APLP2: variants seen among roughly 807,000 people sequenced by gnomAD.
APLP2 encodes the protein CDEI box-binding protein.
In APLP2, 53 loss-of-function variants were observed where a neutral mutation model predicts 89.9. That is an observed-to-expected ratio of 0.59 (90% CI 0.47 to 0.74). APLP2 has a LOEUF of 0.74. APLP2 is among the 30% of genes least tolerant of loss of function. The pLI, the probability that APLP2 is intolerant of heterozygous loss-of-function variation, is 0.00. For synonymous variants in APLP2, 372 were observed against 348.6 expected, an observed-to-expected ratio of 1.07 and a Z score of -0.75; for missense variants, 973 against 975.9, an observed-to-expected ratio of 1.00 and a Z score of 0.04.
chr11:130,127,085 A>G (rs536633091), intron 8 of APLP2, among the ~76,000 whole-genome samples: 15 of 127,436 alleles, frequency 1.2e-4, no homozygotes, highest in African/African-American at 4.3e-4. Flanking sequence ...TTTTTTTGCC[A>G]TTAACTTGCT....
At position 130,123,116 on chromosome 11, in the gene APLP2, G is replaced by A. The variant is rs866407753; in HGVS notation, c.923-496G>A. Among the ~76,000 whole-genome samples, 5 of 152,128 alleles carry A rather than the reference G, an allele frequency of 3.3e-5. No individual in the cohort carries two copies. The East Asian group carries it at 9.6e-4, about 29-fold the overall frequency. ...CAATTAAGATGCGAAGAATTATTTA[G>A]GACCCAAGTTGGGGGAAATTACTTA... is the stretch of plus-strand genomic sequence containing the variant. On this transcript the variant is annotated intron_variant, in intron 6 of 16. Coordinates refer to ENST00000338167, the MANE Select transcript of APLP2 (RefSeq NM_001142276.2). This position sits in a 1 kb window ranked among gnomAD's most constrained non-coding sequence, Gnocchi z 4.0.
At chr11:130,105,928 C>T (rs1947682966) in intron 1 of APLP2, among the ~76,000 whole-genome samples, 1 of 152,024 alleles carries the variant, frequency 6.6e-6, no homozygotes, top group South Asian at 2.1e-4. Context: ...GTCTCGAACT[C>T]CCGACCTCAG....
At chr11:130,093,623 G>A (rs901417047) in intron 1 of APLP2, among the ~76,000 whole-genome samples, 11 of 152,214 alleles carry the variant, frequency 7.2e-5, no homozygotes, top group Non-Finnish European at 1.0e-4. Context: ...GACTGTGTGT[G>A]TCCAGGCCAA....
At chr11:130,081,436 C>T (rs1349629430) in intron 1 of APLP2, among the ~76,000 whole-genome samples, 1 of 152,070 alleles carries the variant, frequency 6.6e-6, no homozygotes, top group Non-Finnish European at 1.5e-5. Context: ...ACTATTTTAC[C>T]CTCATTTTAT....
intron 1 of APLP2, among the ~76,000 whole-genome samples, chr11:130,104,678 G>A (rs777058787): frequency 5.9e-5 from 9 of 151,950 alleles, no homozygotes; most frequent in Non-Finnish European, 1.3e-4. Context: ...TTCCTTCTTT[G>A]GGGGAAGCAG....
At chr11:130,134,093 G>A (rs1040215908) in intron 12 of APLP2, among the ~76,000 whole-genome samples, 13 of 152,104 alleles carry the variant, frequency 8.5e-5, no homozygotes, top group Admixed American at 2.6e-4. Flanking sequence ...CTCCTCTCCC[G>A]GTCTTTATCT....
intron 9 of APLP2, among the ~76,000 whole-genome samples, chr11:130,128,479 C>G (rs925123878): frequency 6.6e-6 from 1 of 152,146 alleles, no homozygotes; most frequent in African/African-American, 2.4e-5. Flanking sequence ...GTTTTAATTC[C>G]TACAGAAGTC....
At chr11:130,081,104 A>AC (rs920200300) in intron 1 of APLP2, among the ~76,000 whole-genome samples, 13 of 151,772 alleles carry the variant, frequency 8.6e-5, no homozygotes, top group South Asian at 4.2e-4. Context: ...CAAAAAACAA[A>AC]CCCCCCCAAA....
chr11:130,130,170 C>G lies in APLP2; in HGVS notation c.1584+4C>G. 6.2e-7 allele frequency: 1 copy of G among 1,614,214 alleles called. No homozygotes were observed. Among genetic ancestry groups the G allele is most frequent in the South Asian group, 1.1e-5 (1 of 91,086 alleles). On this transcript the variant is annotated splice_donor_region_variant and intron_variant, in intron 11 of 16. Coordinates refer to ENST00000338167, the MANE Select transcript of APLP2 (RefSeq NM_001142276.2). Reference sequence around the variant, plus strand: ...GGCGGCCCAGATGAAATCCCAGGTACAGTAGATGTAGTAGAAATTGCTGCC... The same window carrying G: ...GGCGGCCCAGATGAAATCCCAGGTAGAGTAGATGTAGTAGAAATTGCTGCC...
intron 1 of APLP2, among the ~76,000 whole-genome samples, chr11:130,083,558 A>T (rs957306605): frequency 2.6e-5 from 4 of 152,204 alleles, no homozygotes; most frequent in African/African-American, 9.6e-5. Flanking sequence ...TAGATATCCC[A>T]TATAAGGGGA....
intron 7 of APLP2, among the ~76,000 whole-genome samples, chr11:130,124,045 A>C (rs984894814): frequency 1.3e-5 from 2 of 152,168 alleles, no homozygotes; most frequent in Non-Finnish European, 2.9e-5. Context: ...TATAGCGGGC[A>C]GCACAGCCAG....
intron 3 of APLP2, among the ~76,000 whole-genome samples, chr11:130,116,752 A>G (rs1239921399): frequency 1.3e-5 from 2 of 152,062 alleles, no homozygotes; most frequent in South Asian, 2.1e-4. Context: ...GATTACAGGC[A>G]TGAGCCCCTG....
intron 1 of APLP2, among the ~76,000 whole-genome samples, chr11:130,089,893 C>A (rs1249506439): frequency 6.6e-6 from 1 of 152,182 alleles, no homozygotes; most frequent in Non-Finnish European, 1.5e-5. Context: ...TAAGGGCCCA[C>A]CCTGCTCCAG....
At chr11:130,076,834 C>A (rs952026461) in intron 1 of APLP2, among the ~76,000 whole-genome samples, 1 of 152,162 alleles carries the variant, frequency 6.6e-6, no homozygotes, top group African/African-American at 2.4e-5. Flanking sequence ...TAAGACCCCT[C>A]AGGTGTCACT....
intron 1 of APLP2, among the ~76,000 whole-genome samples, chr11:130,105,123 T>C (rs987457050): frequency 2.6e-5 from 4 of 152,210 alleles, no homozygotes; most frequent in African/African-American, 9.7e-5. Context: ...CCACATATTT[T>C]AAAAGTCAGC....
intron 1 of APLP2, among the ~76,000 whole-genome samples, chr11:130,073,653 CA>C (rs1388596800): frequency 6.6e-6 from 1 of 152,176 alleles, no homozygotes; most frequent in Non-Finnish European, 1.5e-5. Context: ...CCAGCCTGAG[CA>C]ACATGGTGAA....
At position 130,141,839 on chromosome 11, in the gene APLP2, C is replaced by A; in HGVS notation, c.1999-80C>A. On this transcript the variant is annotated intron_variant, in intron 15 of 16. Coordinates refer to ENST00000338167, the MANE Select transcript of APLP2 (RefSeq NM_001142276.2). The surrounding 1 kb of genome is among the most constrained non-coding windows in gnomAD (Gnocchi z 4.2). ...TTTTAGGGGCTCGACCTTCCAGGAG[C>A]GTGGCCCTCAGTGAGTTACTTGCCT... is the stretch of plus-strand genomic sequence containing the variant. 1 of 1,511,562 alleles carries A rather than the reference C, an allele frequency of 6.6e-7. No homozygotes were observed. The highest frequency in any genetic ancestry group is 1.3e-5 in the South Asian group (1 of 78,750). 93.6% of individuals were successfully genotyped at this position (1,511,562 alleles called of 1,614,324 possible). A position where few individuals can be genotyped will look rare whatever the true frequency, so the allele number is the denominator to read the frequency against.
At chr11:130,072,407 G>A (rs893256085) in intron 1 of APLP2, among the ~76,000 whole-genome samples, 2 of 152,090 alleles carry the variant, frequency 1.3e-5, no homozygotes, top group African/African-American at 2.4e-5. Flanking sequence ...TTTCTGACAG[G>A]TGGTATGGGA....
At chr11:130,137,550 T>C (rs1951782080) in intron 13 of APLP2, among the ~76,000 whole-genome samples, 2 of 152,224 alleles carry the variant, frequency 1.3e-5, no homozygotes, top group Non-Finnish European at 2.9e-5. Context: ...TGTCAGAGAA[T>C]GCACAGCAAC....
Sources: gnomAD v4.1 joint callset for allele counts (sites outside exome capture counted in the v4.1 genomes callset) on GRCh38, gnomAD v4.1.1 for gene constraint, Gnocchi (gnomAD v3.1) non-coding constraint, MANE v1.5 for transcripts, NCBI Gene and HGNC (gene_info 2026-07-23, HGNC 2026-07-21) for gene names.